The following PDXK variants were observed in gnomAD, a reference collection of about 807,000 sequenced individuals.
The protein encoded by PDXK is pyridoxal kinase.
In PDXK, 15 loss-of-function variants were observed where a neutral mutation model predicts 43.2. The ratio of observed to expected loss-of-function variants is 0.35; its 90% CI spans 0.23 to 0.53. PDXK has a LOEUF of 0.53. Ranked by LOEUF, PDXK falls within the 20% of genes least tolerant of loss-of-function variation. The pLI is 0.92. For missense variants in PDXK, 343 were observed against 417.0 expected (o/e 0.82, Z 1.54); for synonymous variants, 172 against 165.4 (o/e 1.04, Z -0.31).
rs531073788 is a variant in PDXK at position 43,737,095 on chromosome 21, C to G, written c.142+2972C>G. 2 of 910,812 alleles carry G rather than the reference C, an allele frequency of 2.2e-6. No homozygotes were observed. Among genetic ancestry groups the G allele is most frequent in the East Asian group, 5.3e-5 (2 of 38,074 alleles). 56.4% of individuals were successfully genotyped at this position (910,812 alleles called of 1,614,324 possible). ...CTATAGTTGTGCACCAGCACGCCCA[C>G]CTCCTGCCCAGGGTTGTTACTGGGG... On this transcript the variant is annotated intron_variant, in intron 2 of 10. Transcript: ENST00000291565. The surrounding 1 kb of genome is among the most constrained non-coding windows in gnomAD (Gnocchi z 4.8).
intron 1 of PDXK, among the ~76,000 whole-genome samples, chr21:43,730,421 C>T (rs2083303522): frequency 6.6e-6 from 1 of 152,018 alleles, no homozygotes; most frequent in Non-Finnish European, 1.5e-5. Context: ...CCACTGTGCC[C>T]AGCCCTCATA....
In PDXK at chr21:43,740,356, C is replaced by T. The variant is rs187407915; in HGVS notation, c.143-1311C>T. 3.9e-4 allele frequency among the ~76,000 whole-genome samples: 59 copies of T among 152,234 alleles called. 1 individual carries two copies. The East Asian group carries it at 4.8e-3, about 12-fold the overall frequency. On this transcript the variant is annotated intron_variant, in intron 2 of 10. Coordinates refer to ENST00000291565, the MANE Select transcript of PDXK (RefSeq NM_003681.5). Reference sequence around the variant, plus strand: ...TTAGCCACAGGGCATGGCGCGTGGGCGCAGAGCCGGCCGTGACCCACAAGT... The same window carrying T: ...TTAGCCACAGGGCATGGCGCGTGGGTGCAGAGCCGGCCGTGACCCACAAGT...
chr21:43,737,278 C>T lies in PDXK; in HGVS notation c.142+3155C>T, dbSNP rs374142798. On this transcript the variant is annotated intron_variant, in intron 2 of 10. Transcript: ENST00000291565. This position sits in a 1 kb window ranked among gnomAD's most constrained non-coding sequence, Gnocchi z 4.8. ...CCAAGTGCCTGCAGAGCCCACCTGG[C>T]GCAGGCCTCGCCGCCTCGAGGCTGC... is the stretch of plus-strand genomic sequence containing the variant. The T allele has an allele frequency of 1.1e-5, 15 of 1,411,608 alleles. No homozygotes were observed. The highest frequency in any genetic ancestry group is 9.0e-5 in the Admixed American group (3 of 33,414). The allele number at this position is 1,411,608 out of a possible 1,614,324, so 87.4% of individuals were successfully genotyped here.
Position 43,737,166 on chromosome 21 carries a change from C to A in PDXK, c.142+3043C>A. Reference sequence around the variant, plus strand: ...GCCTGGGATGGGCCACAAAGCCAGACTCCCGGCAGGGACACGGGTGTTCCA... The same window carrying A: ...GCCTGGGATGGGCCACAAAGCCAGAATCCCGGCAGGGACACGGGTGTTCCA... On this transcript the variant is annotated intron_variant, in intron 2 of 10. Coordinates refer to ENST00000291565, the MANE Select transcript of PDXK (RefSeq NM_003681.5). The surrounding 1 kb of genome is among the most constrained non-coding windows in gnomAD (Gnocchi z 4.8). The A allele has an allele frequency of 6.9e-7, 1 of 1,456,680 alleles. No individual in the cohort carries two copies. The highest frequency in any genetic ancestry group is 9.1e-7 in the Non-Finnish European group (1 of 1,097,792). 90.2% of individuals were successfully genotyped at this position (1,456,680 alleles called of 1,614,324 possible).
At position 43,719,252 on chromosome 21, in the gene PDXK, C is replaced by T. The variant is rs550058310; in HGVS notation, c.-43C>T. 4.3e-4 allele frequency: 519 copies of T among 1,202,356 alleles called. 3 individuals carry two copies. The African/African-American group carries it at 7.6e-3, about 18-fold the overall frequency. The allele number at this position is 1,202,356 out of a possible 1,614,324, so 74.5% of individuals were successfully genotyped here. A position where few individuals can be genotyped will look rare whatever the true frequency, so the allele number is the denominator to read the frequency against. ...CGGAGCCCGAGCGAGCGGCGGAGAC[C>T]GTGCCCCCGCCTCGGCCCCGCGCCG... is the stretch of plus-strand genomic sequence containing the variant. On this transcript the variant is annotated 5_prime_UTR_variant, in exon 1 of 11. Coordinates refer to ENST00000291565, the MANE Select transcript of PDXK (RefSeq NM_003681.5).
chr21:43,729,156 A>G (rs1006152326), intron 1 of PDXK: 38 of 308,864 alleles, frequency 1.2e-4, no homozygotes, highest in Non-Finnish European at 1.7e-4. Context: ...GCGCTTGTTT[A>G]CGGAGTTACA....
At position 43,723,690 on chromosome 21, in the gene PDXK, G is replaced by C. The variant is rs1331351020; in HGVS notation, c.87+4309G>C. The C allele has an allele frequency of 1.3e-5, 2 of 152,284 alleles. No individual in the cohort carries two copies. The highest frequency in any genetic ancestry group is 4.8e-5 in the African/African-American group (2 of 41,474). The allele number at this position is 152,284 out of a possible 1,614,324, so 9.4% of individuals were successfully genotyped here. On this transcript the variant is annotated intron_variant, in intron 1 of 10. Transcript: ENST00000291565. The surrounding 1 kb of genome is among the most constrained non-coding windows in gnomAD (Gnocchi z 4.1). ...CTGGGCTGTGCAGAGATTGTCCCAA[G>C]CACGTCTGAGGCCAGTAGCTGCCCT...
intron 6 of PDXK, among the ~76,000 whole-genome samples, chr21:43,749,540 A>T (rs1239658076): frequency 6.6e-6 from 1 of 152,274 alleles, no homozygotes; most frequent in Non-Finnish European, 1.5e-5. Flanking sequence ...AGGTCCTGCC[A>T]TGGGGCGAGT....
At chr21:43,741,053 C>CCA (rs1377759291) in intron 2 of PDXK, 6 of 144,890 alleles carry the variant, frequency 4.1e-5, no homozygotes, top group African/African-American at 1.6e-4. Flanking sequence ...GTGTCTCTCC[C>CCA]CACGCTCCTC....
Position 43,743,730 on chromosome 21 carries a change from C to T in PDXK, c.254C>T (p.Thr85Met), listed in dbSNP as rs149442489. 8.3e-5 allele frequency: 133 copies of T among 1,610,618 alleles called. No homozygotes were observed. The highest frequency in any genetic ancestry group is 1.6e-4 in the Middle Eastern group (1 of 6,080). ...NKYDYVLTGY[T>M]RDKSFLAMVV... ...CTGGATTCTCCCCCTAAAGGTTATA[C>T]GAGGGACAAGTCGTTCCTGGCCATG... The change falls in exon 4 of 11, where the codon ACG (threonine) becomes ATG (methionine). Residue 85 changes from threonine to methionine, a missense_variant. Physicochemically the swap from Thr to Met is moderately conservative, Grantham distance 81 (BLOSUM62 -1). Transcript: ENST00000291565.
chr21:43,720,365 G>A lies in PDXK; in HGVS notation c.87+984G>A, dbSNP rs545262067. Among the ~76,000 whole-genome samples, 16 of 152,344 alleles carry A rather than the reference G, an allele frequency of 1.1e-4. No homozygotes were observed. The East Asian group carries it at 2.3e-3, about 22-fold the overall frequency. ...ATGTAAAGAAGGGCCACCTGGGCAC[G>A]GCGGGGCCTGCGGTGCGGGCTGGCC... On this transcript the variant is annotated intron_variant, in intron 1 of 10. Transcript: ENST00000291565.
At chr21:43,743,998 G>T (rs1254007050) in intron 4 of PDXK, among the ~76,000 whole-genome samples, 191 bp downstream of exon 4, 1 of 152,242 alleles carries the variant, frequency 6.6e-6, no homozygotes, top group Non-Finnish European at 1.5e-5. Flanking sequence ...TGGGCTAGAA[G>T]CGTTTGCAGG....
At chr21:43,744,207 C>T (rs1048163360) in intron 4 of PDXK, among the ~76,000 whole-genome samples, 5 of 151,012 alleles carry the variant, frequency 3.3e-5, no homozygotes, top group African/African-American at 1.2e-4. Context: ...CATACCCAGG[C>T]AGGGCCAGGC....
chr21:43,726,811 G>C (rs1453827164), intron 1 of PDXK, among the ~76,000 whole-genome samples: 1 of 151,756 alleles, frequency 6.6e-6, no homozygotes, highest in African/African-American at 2.4e-5. Context: ...TGTACGTGGT[G>C]TGTTTGTGTA....
Position 43,753,175 on chromosome 21 carries a change from T to C in PDXK, c.623-408T>C, listed in dbSNP as rs142481099. Among the ~76,000 whole-genome samples, 227 of 152,116 alleles carry C rather than the reference T, an allele frequency of 1.5e-3. 3 individuals carry two copies. In the Middle Eastern group the frequency reaches 0.027, roughly 18 times the overall value. ...ACGTGGACATGGGCACACATAGGCATACATGCACACATACACACGGGCACA... is the reference window on the plus strand; with the variant it reads ...ACGTGGACATGGGCACACATAGGCACACATGCACACATACACACGGGCACA... On this transcript the variant is annotated intron_variant, in intron 8 of 10. Transcript: ENST00000291565.
At position 43,754,374 on chromosome 21, in the gene PDXK, T is replaced by C. The variant is rs968538568; in HGVS notation, c.759+655T>C. On this transcript the variant is annotated intron_variant, in intron 9 of 10. Coordinates refer to ENST00000291565, the MANE Select transcript of PDXK (RefSeq NM_003681.5). The surrounding 1 kb of genome is among the most constrained non-coding windows in gnomAD (Gnocchi z 5.5). ...TCGTGAGCCTTTCTCGTGTGTCCCATGGGTAAGCACACAGCTCAGCGGGGA... is the reference window on the plus strand; with the variant it reads ...TCGTGAGCCTTTCTCGTGTGTCCCACGGGTAAGCACACAGCTCAGCGGGGA... Among the ~76,000 whole-genome samples, 1 of 152,084 alleles carries C rather than the reference T, an allele frequency of 6.6e-6. No homozygotes were observed. Among genetic ancestry groups the C allele is most frequent in the Non-Finnish European group, 1.5e-5 (1 of 67,984 alleles).
chr21:43,746,377 C>T lies in PDXK; in HGVS notation c.378+252C>T, dbSNP rs1159713688. Among the ~76,000 whole-genome samples the T allele has an allele frequency of 2.6e-5, 4 of 152,334 alleles. No homozygotes were observed. In the East Asian group the frequency reaches 7.7e-4, roughly 29 times the overall value. On this transcript the variant is annotated intron_variant, in intron 5 of 10. Coordinates refer to ENST00000291565, the MANE Select transcript of PDXK (RefSeq NM_003681.5). ...AGCTGTTCTCATTAGAGCACAGAAG[C>T]AGCCACAGATAAGAGGTGTACAAAC...
At chr21:43,745,258 A>G (rs2083617651) in intron 4 of PDXK, among the ~76,000 whole-genome samples, 1 of 152,092 alleles carries the variant, frequency 6.6e-6, no homozygotes, top group African/African-American at 2.4e-5. Flanking sequence ...CATCTCTAAT[A>G]AAAATACAAA....
rs893536859 is a variant in PDXK at position 43,761,763 on chromosome 21, G to A, written c.*5700G>A. 2.0e-5 allele frequency: 3 copies of A among 152,340 alleles called. No individual in the cohort carries two copies. The highest frequency in any genetic ancestry group is 1.9e-4 in the East Asian group (1 of 5,132). The allele number at this position is 152,340 out of a possible 1,614,324, so 9.4% of individuals were successfully genotyped here. A position where few individuals can be genotyped will look rare whatever the true frequency, so the allele number is the denominator to read the frequency against. On this transcript the variant is annotated 3_prime_UTR_variant, in exon 11 of 11. Coordinates refer to ENST00000291565, the MANE Select transcript of PDXK (RefSeq NM_003681.5). ...GAAGACCCTTCCAGTACATCCCACA[G>A]CGTGTCGAGCAGCTGGGAGAACCTG...
Sources: gnomAD v4.1 joint callset for allele counts (sites outside exome capture counted in the v4.1 genomes callset) on GRCh38, gnomAD v4.1.1 for gene constraint, Gnocchi (gnomAD v3.1) non-coding constraint, MANE v1.5 for transcripts, NCBI Gene and HGNC (gene_info 2026-07-23, HGNC 2026-07-21) for gene names.